Variants in SLTM observed in about 807,000 individuals in gnomAD.
SLTM encodes the protein SAFB like transcription modulator, also known as SAFB-like transcription modulator.
SLTM carries 43 observed loss-of-function variants against 134.6 expected under a neutral mutation model. That is an observed-to-expected ratio of 0.32 (90% CI 0.25 to 0.41). The LOEUF (loss-of-function observed/expected upper bound fraction) is 0.41, where lower values mean the gene tolerates loss of function less well. Among genes scored for constraint, SLTM ranks in the 10% least tolerant of loss-of-function variants. SLTM has a pLI of 1.00. For missense variants in SLTM, 1,055 were observed against 1,288.8 expected (o/e 0.82, Z 2.78); for synonymous variants, 424 against 432.3 (o/e 0.98, Z 0.24).
chr15:58,931,255 C>T (rs1029488228), intron 2 of SLTM, among the ~76,000 whole-genome samples: 1 of 152,168 alleles, frequency 6.6e-6, no homozygotes, highest in African/African-American at 2.4e-5. Context: ...TACATCCCCA[C>T]CTCTCCCAGG....
chr15:58,922,191 C>A (rs1408197124), intron 2 of SLTM, among the ~76,000 whole-genome samples: 1 of 151,428 alleles, frequency 6.6e-6, no homozygotes, highest in African/African-American at 2.4e-5. Flanking sequence ...GCCTGGCCAA[C>A]ATGGTGAAAC....
chr15:58,886,208 GAAA>G (rs1178675882), intron 19 of SLTM, among the ~76,000 whole-genome samples: 2 of 147,458 alleles, frequency 1.4e-5, no homozygotes, highest in Non-Finnish European at 3.0e-5. Flanking sequence ...TGAAGCAGGA[GAAA>G]AAGAAGAGTG....
At chr15:58,884,159 T>C (rs1478152086) in intron 19 of SLTM, among the ~76,000 whole-genome samples, 3 of 151,530 alleles carry the variant, frequency 2.0e-5, no homozygotes, top group African/African-American at 4.9e-5. Flanking sequence ...CCAACTTATA[T>C]TGGTGTGCTT....
At chr15:58,918,256 C>T (rs1295371843) in intron 2 of SLTM, among the ~76,000 whole-genome samples, 4 of 151,884 alleles carry the variant, frequency 2.6e-5, no homozygotes, top group Non-Finnish European at 5.9e-5. Flanking sequence ...TCTTTTGAAA[C>T]ATGAATGGAT....
chr15:58,883,120 G>T (rs1403527962), intron 20 of SLTM, among the ~76,000 whole-genome samples: 1 of 152,260 alleles, frequency 6.6e-6, no homozygotes, highest in East Asian at 1.9e-4. Context: ...TTCGAGACCT[G>T]CCTGGGCAAC....
chr15:58,912,485 T>C (rs2036348536), intron 5 of SLTM, 78 bp downstream of exon 5: 15 of 1,161,888 alleles, frequency 1.3e-5, no homozygotes, highest in Non-Finnish European at 1.9e-5. Context: ...ATTAAAGAAT[T>C]ATGAAGTCAA....
chr15:58,893,043 C>A lies in SLTM; in HGVS notation c.1752G>T (p.Lys584Asn). Residue 584 changes from lysine (K) to asparagine (N), a missense_variant, in exon 14 of 21, where the codon AAG (lysine) becomes AAT (asparagine). Physicochemically the swap from Lys to Asn is moderately conservative, Grantham distance 94. This residue lies in a region of SLTM where 776 missense variants were observed against 962.2 expected (regional missense o/e 0.81). Coordinates refer to ENST00000380516, the MANE Select transcript of SLTM (RefSeq NM_024755.4). ...GRYEKIHGRS[K>N]EKERASLDKK... is the part of the protein sequence containing the mutation. ...TATCTAGACTAGCTCTCTCCTTTTC[C>A]TTACTTCTTCCATGAATCTGTAGAA... 6.3e-7 allele frequency: 1 copy of A among 1,582,902 alleles called. No individual in the cohort carries two copies. The highest frequency in any genetic ancestry group is 1.2e-5 in the South Asian group (1 of 84,378).
chr15:58,889,205 C>T, intron 16 of SLTM: 1 of 443,948 alleles, frequency 2.3e-6, no homozygotes, highest in Non-Finnish European at 4.0e-6. Flanking sequence ...TATTTCCAGT[C>T]ATAATGAAAA....
intron 3 of SLTM, among the ~76,000 whole-genome samples, chr15:58,914,375 C>G (rs529577053): frequency 6.6e-6 from 1 of 152,254 alleles, no homozygotes; most frequent in African/African-American, 2.4e-5. Context: ...TACGGTAAAT[C>G]CAGCAGATTT....
intron 5 of SLTM, among the ~76,000 whole-genome samples, chr15:58,906,980 A>G (rs1490991448): frequency 6.6e-6 from 1 of 152,204 alleles, no homozygotes; most frequent in Non-Finnish European, 1.5e-5. Flanking sequence ...TGTCGTTATC[A>G]CTGAAATAGT....
intron 13 of SLTM, 39 bp downstream of exon 13, chr15:58,893,240 A>C: frequency 6.7e-7 from 1 of 1,503,666 alleles, no homozygotes; most frequent in Non-Finnish European, 9.2e-7. Context: ...TTTTGTAAAC[A>C]GCTGAAGTAG....
chr15:58,890,154 A>G, intron 15 of SLTM, 127 bp downstream of exon 15: 1 of 1,018,734 alleles, frequency 9.8e-7, no homozygotes, highest in Non-Finnish European at 1.5e-6. Context: ...TTTCAGGGAC[A>G]CTTAAAAGCT....
At chr15:58,918,221 AT>A (rs1470984960) in intron 2 of SLTM, among the ~76,000 whole-genome samples, 1 of 152,044 alleles carries the variant, frequency 6.6e-6, no homozygotes, top group Non-Finnish European at 1.5e-5. Flanking sequence ...CTGGAAGTTT[AT>A]TAAAAAAAAT....
At chr15:58,889,266 C>T in intron 16 of SLTM, 164 bp downstream of exon 16, 2 of 747,604 alleles carry the variant, frequency 2.7e-6, no homozygotes, top group Non-Finnish European at 4.1e-6. Context: ...ACTGTTCCCA[C>T]TTGCTAGTGC....
chr15:58,893,410 GAGAA>G (rs1595853977), intron 12 of SLTM, 46 bp from the exon 13 acceptor site: 1 of 1,364,406 alleles, frequency 7.3e-7, no homozygotes, highest in Non-Finnish European at 1.0e-6. Context: ...ATTTTTCATT[GAGAA>G]AGAAAATATG....
intron 1 of SLTM, among the ~76,000 whole-genome samples, chr15:58,933,199 C>T (rs1324438047): frequency 6.6e-6 from 1 of 151,588 alleles, no homozygotes; most frequent in East Asian, 1.9e-4. Flanking sequence ...CCCTCGCAGG[C>T]CCGGCCCGGC....
chr15:58,913,781 A>C, intron 3 of SLTM, 85 bp from the exon 4 acceptor site: 1 of 913,090 alleles, frequency 1.1e-6, no homozygotes, highest in Non-Finnish European at 1.7e-6. Flanking sequence ...TTACACCTTT[A>C]AATGTGTCAA....
intron 20 of SLTM, among the ~76,000 whole-genome samples, chr15:58,882,280 A>G (rs1283899574): frequency 6.6e-6 from 1 of 151,926 alleles, no homozygotes; most frequent in Non-Finnish European, 1.5e-5. Flanking sequence ...GGATGGTGGC[A>G]CTATCAAATT....
intron 20 of SLTM, among the ~76,000 whole-genome samples, chr15:58,881,609 C>G (rs1030878867): frequency 2.0e-5 from 3 of 152,010 alleles, no homozygotes; most frequent in African/African-American, 7.2e-5. Flanking sequence ...GGGCTCAATC[C>G]TGTGACCTGG....
Sources: gnomAD v4.1 joint callset for allele counts (sites outside exome capture counted in the v4.1 genomes callset) on GRCh38, gnomAD v4.1.1 for gene constraint, gnomAD v4.1.1 regional missense constraint, MANE v1.5 for transcripts, NCBI Gene and HGNC (gene_info 2026-07-23, HGNC 2026-07-21) for gene names.